Variants in COPB1 observed in about 807,000 individuals in gnomAD.
COPB1 encodes the protein coat protein complex I subunit beta 1.
In COPB1, 21 loss-of-function variants were observed where a neutral mutation model predicts 108.7. That is an observed-to-expected ratio of 0.19 (90% CI 0.14 to 0.28). The LOEUF (loss-of-function observed/expected upper bound fraction) is 0.28. Among genes scored for constraint, COPB1 ranks in the 10% least tolerant of loss-of-function variants. COPB1 has a pLI of 1.00. For synonymous variants in COPB1, 378 were observed against 386.8 expected (o/e 0.98, Z 0.27); for missense variants, 919 against 1,141.3 (o/e 0.81, Z 2.81).
chr11:14,464,868 G>A (rs188100959), intron 18 of COPB1, 43 bp downstream of exon 18: 290 of 1,590,350 alleles, frequency 1.8e-4, no homozygotes, highest in East Asian at 1.4e-3. Context: ...AAATTCTTCA[G>A]TAAAAGTATT....
At chr11:14,497,836 T>C (rs1043935041) in intron 2 of COPB1, among the ~76,000 whole-genome samples, 7 of 152,224 alleles carry the variant, frequency 4.6e-5, no homozygotes, top group African/African-American at 1.7e-4. Context: ...GTGGTACATA[T>C]ACACAATGGA....
At chr11:14,493,850 C>T (rs566327413) in intron 3 of COPB1, 39 bp from the exon 4 acceptor site, 2 of 1,457,268 alleles carry the variant, frequency 1.4e-6, no homozygotes, top group Admixed American at 5.3e-5. Context: ...TGAGTTTCAG[C>T]TTTTTACAAA....
intron 13 of COPB1, 79 bp from the exon 14 acceptor site, chr11:14,474,694 C>T: frequency 1.3e-6 from 2 of 1,564,866 alleles, no homozygotes; most frequent in Non-Finnish European, 1.7e-6. Context: ...ATGATATAGG[C>T]CTATTAAACA....
chr11:14,493,949 T>A, intron 3 of COPB1, 138 bp from the exon 4 acceptor site: 1 of 821,048 alleles, frequency 1.2e-6, no homozygotes, highest in Non-Finnish European at 1.8e-6. Context: ...CATATTCTTG[T>A]TGACTGAAGC....
At chr11:14,493,525 G>T in intron 4 of COPB1, 117 bp downstream of exon 4, 1 of 813,684 alleles carries the variant, frequency 1.2e-6, no homozygotes, top group Non-Finnish European at 1.8e-6. Context: ...TACAGTGCTG[G>T]CCATACAAAA....
chr11:14,475,642 T>A (rs915322966), intron 13 of COPB1, 143 bp downstream of exon 13: 4 of 700,608 alleles, frequency 5.7e-6, no homozygotes, highest in East Asian at 3.1e-5. Context: ...AACTTAAACA[T>A]CCTCCGCTTC....
At position 14,471,097 on chromosome 11, in the gene COPB1, C is replaced by T. The variant is rs374411728; in HGVS notation, c.1738-1534G>A. Among the ~76,000 whole-genome samples the T allele has an allele frequency of 7.2e-5, 11 of 151,962 alleles. No individual in the cohort carries two copies. The East Asian group carries it at 7.7e-4, about 11-fold the overall frequency. On this transcript the variant is annotated intron_variant, in intron 14 of 21. Coordinates refer to ENST00000439561, the MANE Select transcript of COPB1 (RefSeq NM_001144061.2). ...CACAAAGGTAACTTTCTAAAGTGTA[C>T]AAAAAAATAGGCTTTTTCCAGACAA...
Position 14,458,580 on chromosome 11 carries a change from T to C in COPB1, c.2754A>G (p.Gly918=). 6.2e-7 allele frequency: 1 copy of C among 1,613,660 alleles called. No homozygotes were observed. The highest frequency in any genetic ancestry group is 1.1e-5 in the South Asian group (1 of 91,040). The change falls in exon 21 of 22, where the codon GGA becomes GGG. Residue 918 remains glycine, a synonymous_variant. Coordinates refer to ENST00000439561, the MANE Select transcript of COPB1 (RefSeq NM_001144061.2). ...NVSIEKPIHQ[G]PDAAVTGHIR... is the part of the protein sequence containing the mutation. Reference sequence around the variant, plus strand: ...TATGGCCGGTAACAGCAGCATCTGGTCCCTGGTGAATTGGCTTCTCAATGC... The same window carrying C: ...TATGGCCGGTAACAGCAGCATCTGGCCCCTGGTGAATTGGCTTCTCAATGC...
In COPB1 at chr11:14,458,594, G is replaced by A; in HGVS notation, c.2740C>T (p.Pro914Ser). Residue 914 changes from proline to serine, a missense_variant, in exon 21 of 22, where the codon CCA (proline) becomes TCA (serine). Transcript: ENST00000439561. ...GCAGCATCTGGTCCCTGGTGAATTG[G>A]CTTCTCAATGCTGACATTTGCAAGT... ...DALANVSIEK[P>S]IHQGPDAAVT... is the part of the protein sequence containing the mutation. 1 of 1,613,752 alleles carries A rather than the reference G, an allele frequency of 6.2e-7. No homozygotes were observed. Among genetic ancestry groups the A allele is most frequent in the Non-Finnish European group, 8.5e-7 (1 of 1,179,874 alleles).
In COPB1 at chr11:14,488,586, T is replaced by TA. The variant is rs751525950; in HGVS notation, c.607-3dup. 87 of 1,580,754 alleles carry TA rather than the reference T, an allele frequency of 5.5e-5. No individual in the cohort carries two copies. Among genetic ancestry groups the TA allele is most frequent in the South Asian group, 3.4e-4 (30 of 87,126 alleles). The stretch of plus-strand genomic sequence containing the variant: ...ACTTAAGTAATCCAAAGCTCGATCC[T>TA]AAAAAAAATAAGAATATATTTATCA... On this transcript the variant is annotated splice_region_variant and splice_polypyrimidine_tract_variant and intron_variant, in intron 5 of 21. Transcript: ENST00000439561.
intron 2 of COPB1, 141 bp downstream of exon 2, chr11:14,498,697 A>G: frequency 3.3e-6 from 2 of 598,000 alleles, no homozygotes; most frequent in South Asian, 5.3e-5. Context: ...CGCATTTTTA[A>G]TAAAAGGTCT....
intron 6 of COPB1, among the ~76,000 whole-genome samples, chr11:14,486,928 A>G (rs1850788001): frequency 6.6e-6 from 1 of 152,238 alleles, no homozygotes; most frequent in South Asian, 2.1e-4. Context: ...AACCCAGTAC[A>G]CTAATATGGG....
Position 14,458,541 on chromosome 11 carries a change from T to C in COPB1, c.2793A>G (p.Ala931=). Residue 931 remains alanine (A), a synonymous_variant, in exon 21 of 22, where the codon GCA becomes GCG. Coordinates refer to ENST00000439561, the MANE Select transcript of COPB1 (RefSeq NM_001144061.2). ...AAAAAGGAACTGTTACCTGGCTCTT[T>C]GCACGAATTCTTATATGGCCGGTAA... ...AAVTGHIRIR[A]KSQGMALSLG... is the part of the protein sequence containing the mutation. The C allele has an allele frequency of 6.2e-7, 1 of 1,609,402 alleles. No homozygotes were observed. The highest frequency in any genetic ancestry group is 1.7e-4 in the Middle Eastern group (1 of 6,040).
chr11:14,478,613 CATTT>C (rs1173672300), intron 11 of COPB1, among the ~76,000 whole-genome samples: 2 of 151,526 alleles, frequency 1.3e-5, no homozygotes, highest in African/African-American at 2.4e-5. Context: ...TTCATTCATT[CATTT>C]AGATTAAAAA....
rs61639111 is a variant in COPB1, at chr11:14,497,343, G to GAA, written c.91+1493_91+1494dup. Among the ~76,000 whole-genome samples, 243 of 148,836 alleles carry GAA rather than the reference G, an allele frequency of 1.6e-3. 1 individual carries two copies. The highest frequency in any genetic ancestry group is 2.2e-3 in the Non-Finnish European group (147 of 67,152). ...GTAAGGAGCTCAAACAACTCTACAG[G>GAA]AAAAAAAAAAACTCATAATCTGATT... On this transcript the variant is annotated intron_variant, in intron 2 of 21. Transcript: ENST00000439561.
At chr11:14,462,183 G>A (rs1317675633) in intron 18 of COPB1, among the ~76,000 whole-genome samples, 1 of 149,686 alleles carries the variant, frequency 6.7e-6, no homozygotes, top group Non-Finnish European at 1.5e-5. Context: ...ACAGTAGAGA[G>A]TTATAATCTG....
rs1009472394 is a variant in COPB1 at position 14,499,785 on chromosome 11, T to C, written c.-136A>G. ...GGTTTGGTGCAGCCGCGGATCCGTC[T>C]ACTGCGGCTCCGTCTACTCCGGCTA... On this transcript the variant is annotated 5_prime_UTR_variant, in exon 1 of 22. Transcript: ENST00000439561. The C allele has an allele frequency of 1.3e-5, 2 of 152,842 alleles. No individual in the cohort carries two copies. Among genetic ancestry groups the C allele is most frequent in the African/African-American group, 4.8e-5 (2 of 41,450 alleles). The allele number at this position is 152,842 out of a possible 1,614,324, so 9.5% of individuals were successfully genotyped here. A position where few individuals can be genotyped will look rare whatever the true frequency, so the allele number is the denominator to read the frequency against.
intron 5 of COPB1, among the ~76,000 whole-genome samples, chr11:14,489,850 A>T (rs962986766): frequency 1.3e-5 from 2 of 152,238 alleles, no homozygotes; most frequent in African/African-American, 2.4e-5. Context: ...ACACTTAAAA[A>T]TGGTTAAGAG....
intron 11 of COPB1, among the ~76,000 whole-genome samples, chr11:14,478,128 T>C (rs767221988): frequency 6.6e-6 from 1 of 152,012 alleles, no homozygotes; most frequent in Non-Finnish European, 1.5e-5. Context: ...ATCACAAAGA[T>C]TAAAAGTAAA....
Sources: allele counts gnomAD v4.1 joint callset (sites outside exome capture counted in the v4.1 genomes callset), GRCh38; gene constraint gnomAD v4.1.1; transcripts MANE v1.5; gene names NCBI Gene and HGNC (gene_info 2026-07-23, HGNC 2026-07-21).